Variants in FZD3 observed in about 807,000 individuals in gnomAD.
FZD3 encodes frizzled-3.
A neutral mutation model predicts 60.7 loss-of-function variants in FZD3; 30 were observed. The ratio of observed to expected loss-of-function variants is 0.49; its 90% CI spans 0.37 to 0.67. The LOEUF is 0.67. Among genes scored for constraint, FZD3 ranks in the 30% least tolerant of loss-of-function variants. The pLI, the probability that FZD3 is intolerant of heterozygous loss-of-function variation, is 0.00. For missense variants in FZD3, 605 were observed against 838.7 expected (o/e 0.72, Z 3.44); for synonymous variants, 246 against 275.2 (o/e 0.89, Z 1.05).
chr8:28,498,125 A>G (rs1205643058), intron 1 of FZD3, among the ~76,000 whole-genome samples: 3 of 152,212 alleles, frequency 2.0e-5, no homozygotes, highest in Non-Finnish European at 4.4e-5. Flanking sequence ...TTAGTCCGAA[A>G]TCAGCTTTCC....
intron 3 of FZD3, among the ~76,000 whole-genome samples, chr8:28,520,221 C>CAAAAAAAAAAA (rs199633141): frequency 7.6e-6 from 1 of 131,044 alleles, no homozygotes; most frequent in Non-Finnish European, 1.6e-5. Context: ...AAAAAAACAA[C>CAAAAAAAAAAA]AAAAAAAAAA....
At chr8:28,539,707 A>G (rs961404296) in intron 5 of FZD3, among the ~76,000 whole-genome samples, 5 of 152,214 alleles carry the variant, frequency 3.3e-5, no homozygotes, top group Non-Finnish European at 7.3e-5. Context: ...ATTTATTTAA[A>G]AAAATAAAAG....
At position 28,566,291 on chromosome 8, in the gene FZD3, C is replaced by G. The variant is rs1666248896; in HGVS notation, c.*3280C>G. 6.6e-6 allele frequency: 1 copy of G among 152,132 alleles called. No homozygotes were observed. Among genetic ancestry groups the G allele is most frequent in the South Asian group, 2.1e-4 (1 of 4,832 alleles). The allele number at this position is 152,132 out of a possible 1,614,324, so 9.4% of individuals were successfully genotyped here. Reference sequence around the variant, plus strand: ...TTTGCATAGATAACAGTCCATATCACTATTATAATTAAAGAAATATATGTA... The same window carrying G: ...TTTGCATAGATAACAGTCCATATCAGTATTATAATTAAAGAAATATATGTA... On this transcript the variant is annotated 3_prime_UTR_variant, in exon 8 of 8. Coordinates refer to ENST00000240093, the MANE Select transcript of FZD3 (RefSeq NM_017412.4).
At chr8:28,562,771 C>G in intron 7 of FZD3, 27 bp from the exon 8 acceptor site, 1 of 1,305,258 alleles carries the variant, frequency 7.7e-7, no homozygotes, top group Non-Finnish European at 1.1e-6. Flanking sequence ...GTTCTGTTAC[C>G]CACTTCAAAA....
chr8:28,523,331 AAC>A (rs1331788114), intron 4 of FZD3, among the ~76,000 whole-genome samples: 1 of 152,126 alleles, frequency 6.6e-6, no homozygotes, highest in African/African-American at 2.4e-5. Context: ...ACTGGGTAGG[AAC>A]ACAGTTTCCC....
At chr8:28,532,782 G>A (rs1343552289) in intron 5 of FZD3, among the ~76,000 whole-genome samples, 1 of 152,000 alleles carries the variant, frequency 6.6e-6, no homozygotes, top group Non-Finnish European at 1.5e-5. Flanking sequence ...GATTGTGTAT[G>A]GATTCTCTTA....
intron 7 of FZD3, 91 bp downstream of exon 7, chr8:28,556,062 T>C: frequency 1.2e-6 from 1 of 827,462 alleles, no homozygotes. Flanking sequence ...GAAATAGAAG[T>C]CGAACATAAT....
chr8:28,533,504 A>G (rs554531605), intron 5 of FZD3, among the ~76,000 whole-genome samples: 2 of 152,230 alleles, frequency 1.3e-5, no homozygotes, highest in Non-Finnish European at 2.9e-5. Context: ...AAATTTAACC[A>G]AAAGACCATT....
rs1805653378 is a variant in FZD3, at chr8:28,563,526, C to A, written c.*515C>A. 1 of 155,650 alleles carries A rather than the reference C, an allele frequency of 6.4e-6. No homozygotes were observed. Among genetic ancestry groups the A allele is most frequent in the Admixed American group, 6.3e-5 (1 of 15,892 alleles). 9.6% of individuals were successfully genotyped at this position (155,650 alleles called of 1,614,324 possible). ...TAAACTGTAGGAGAATTTAATAAAT[C>A]AGCAAGGGTATTTTAGCTAATAGAA... On this transcript the variant is annotated 3_prime_UTR_variant, in exon 8 of 8. Coordinates refer to ENST00000240093, the MANE Select transcript of FZD3 (RefSeq NM_017412.4).
chr8:28,532,211 A>G (rs1209612312), intron 5 of FZD3, among the ~76,000 whole-genome samples: 1 of 152,122 alleles, frequency 6.6e-6, no homozygotes, highest in Non-Finnish European at 1.5e-5. Context: ...TTCTTCTTCA[A>G]AACTATTTTA....
rs759036330 is a variant in FZD3, at chr8:28,563,005, T to A, written c.1995T>A (p.Ser665Arg). The change falls in exon 8 of 8, where the codon AGT becomes AGA. Residue 665 changes from serine (S) to arginine (R), a missense_variant. Transcript: ENST00000240093. ...GGGTTATTGAAGAAGATGGAACCAG[T>A]GCTTAATTTGTCTTGTCTAAGGTGG... ...MNRVIEEDGT[S>R]A 8 of 1,605,934 alleles carry A rather than the reference T, an allele frequency of 5.0e-6. No individual in the cohort carries two copies. The highest frequency in any genetic ancestry group is 5.1e-6 in the Non-Finnish European group (6 of 1,172,502).
intron 4 of FZD3, among the ~76,000 whole-genome samples, chr8:28,522,104 CT>C (rs1159167662): frequency 5.1e-4 from 71 of 140,322 alleles, no homozygotes; most frequent in Middle Eastern, 3.8e-3. Context: ...TTTCTCTTCT[CT>C]TTTTTTTTTT....
At chr8:28,552,497 A>G (rs1039322223) in intron 6 of FZD3, among the ~76,000 whole-genome samples, 2 of 152,158 alleles carry the variant, frequency 1.3e-5, no homozygotes, top group Non-Finnish European at 2.9e-5. Context: ...AACTCTACTC[A>G]GTTTTAAGTC....
rs142999582 is a variant in FZD3, at chr8:28,515,056, C to G, written c.190-5582C>G. Among the ~76,000 whole-genome samples the G allele has an allele frequency of 1.8e-3, 267 of 152,270 alleles. 3 individuals carry two copies. The highest frequency in any genetic ancestry group is 6.1e-3 in the African/African-American group (253 of 41,548). ...TAGTTGTGTGATGTTGGATAAGTTACTTCGTTTTCTGTATCTCGTTTTCTT... is the reference window on the plus strand; with the variant it reads ...TAGTTGTGTGATGTTGGATAAGTTAGTTCGTTTTCTGTATCTCGTTTTCTT... On this transcript the variant is annotated intron_variant, in intron 3 of 7. Coordinates refer to ENST00000240093, the MANE Select transcript of FZD3 (RefSeq NM_017412.4).
At position 28,540,685 on chromosome 8, in the gene FZD3, C is replaced by G. The variant is rs528215741; in HGVS notation, c.1405-10918C>G. On this transcript the variant is annotated intron_variant, in intron 5 of 7. Transcript: ENST00000240093. ...TATAGCCAAGTGTGGTGGCTTACAC[C>G]TGTAATCCTAGCACTTTGGGAGGCC... is the stretch of plus-strand genomic sequence containing the variant. 3.3e-5 allele frequency among the ~76,000 whole-genome samples: 5 copies of G among 152,156 alleles called. No individual in the cohort carries two copies. In the South Asian group the frequency reaches 1.0e-3, roughly 32 times the overall value.
At chr8:28,504,559 T>A (rs972809989) in intron 3 of FZD3, among the ~76,000 whole-genome samples, 1 of 152,262 alleles carries the variant, frequency 6.6e-6, no homozygotes, top group Non-Finnish European at 1.5e-5. Flanking sequence ...GGCTCTGCCA[T>A]GTAGTAGGTT....
chr8:28,574,154 T>C lies in FZD3; in HGVS notation c.*11143T>C, dbSNP rs1242386859. The C allele has an allele frequency of 6.6e-6, 1 of 152,120 alleles. No individual in the cohort carries two copies. The highest frequency in any genetic ancestry group is 1.5e-5 in the Non-Finnish European group (1 of 67,992). 9.4% of individuals were successfully genotyped at this position (152,120 alleles called of 1,614,324 possible). A position where few individuals can be genotyped will look rare whatever the true frequency, so the allele number is the denominator to read the frequency against. ...AGACTGATGTCAGTTTTTGTAAATGTTTTTTCTTAGCACTTTAACTGTGAG... is the reference window on the plus strand; with the variant it reads ...AGACTGATGTCAGTTTTTGTAAATGCTTTTTCTTAGCACTTTAACTGTGAG... On this transcript the variant is annotated 3_prime_UTR_variant, in exon 8 of 8. Coordinates refer to ENST00000240093, the MANE Select transcript of FZD3 (RefSeq NM_017412.4).
Position 28,562,947 on chromosome 8 carries a change from T to A in FZD3, c.1937T>A (p.Met646Lys). 6.2e-7 allele frequency: 1 copy of A among 1,613,740 alleles called. No individual in the cohort carries two copies. The highest frequency in any genetic ancestry group is 1.3e-5 in the African/African-American group (1 of 75,040). The change falls in exon 8 of 8, where the codon ATG (methionine) becomes AAG (lysine). Residue 646 changes from methionine to lysine, a missense_variant. Physicochemically the swap from Met to Lys is moderately conservative, Grantham distance 95. Transcript: ENST00000240093. ...SSIRDLSNNPMTHITHGTSMN... is the reference protein window; with the variant it reads ...SSIRDLSNNPKTHITHGTSMN... The stretch of plus-strand genomic sequence containing the variant: ...ATCAGAGATCTCAGTAATAATCCCA[T>A]GACTCATATCACACATGGCACCAGC...
At position 28,572,955 on chromosome 8, in the gene FZD3, G is replaced by T. The variant is rs1354409690; in HGVS notation, c.*9944G>T. 6.6e-6 allele frequency: 1 copy of T among 152,016 alleles called. No homozygotes were observed. The highest frequency in any genetic ancestry group is 1.5e-5 in the Non-Finnish European group (1 of 67,998). 9.4% of individuals were successfully genotyped at this position (152,016 alleles called of 1,614,324 possible). ...ATAAATAATATTATGAATAATAAGG[G>T]TAAAAGATTAGCCAACAAAAGCTAA... On this transcript the variant is annotated 3_prime_UTR_variant, in exon 8 of 8. Coordinates refer to ENST00000240093, the MANE Select transcript of FZD3 (RefSeq NM_017412.4).
Sources: gnomAD v4.1 joint callset for allele counts (sites outside exome capture counted in the v4.1 genomes callset) on GRCh38, gnomAD v4.1.1 for gene constraint, MANE v1.5 for transcripts, NCBI Gene and HGNC (gene_info 2026-07-23, HGNC 2026-07-21) for gene names.